Variants in KLF12 observed in about 807,000 individuals in gnomAD.
KLF12 encodes KLF transcription factor 12.
KLF12 carries 9 observed loss-of-function variants against 37.8 expected under a neutral mutation model. The observed-to-expected ratio is 0.24, with a 90% CI of 0.14 to 0.42. The LOEUF (loss-of-function observed/expected upper bound fraction) is 0.42, where lower values mean the gene tolerates loss of function less well. Among genes scored for constraint, KLF12 ranks in the 10% least tolerant of loss-of-function variants. The probability of loss-of-function intolerance (pLI) is 1.00; values close to 1 mark genes in which losing one functional copy is unlikely to be tolerated. For missense variants in KLF12, 411 were observed against 516.0 expected (o/e 0.80, Z 1.97); for synonymous variants, 208 against 202.1 (o/e 1.03, Z -0.25).
chr13:73,885,810 G>C (rs974088544), intron 3 of KLF12, among the ~76,000 whole-genome samples: 1 of 152,200 alleles, frequency 6.6e-6, no homozygotes, highest in Non-Finnish European at 1.5e-5. Flanking sequence ...GCAGAAGTTA[G>C]AGAAACCATT....
chr13:74,294,808 C>T, the KLF12 span, among the ~76,000 whole-genome samples: 2 of 152,150 alleles, frequency 1.3e-5, no homozygotes, highest in Non-Finnish European at 2.9e-5. Context: ...CAGCTGAGGC[C>T]TTCCTCATTT....
chr13:73,945,650 A>AC (rs1405960226), intron 2 of KLF12, among the ~76,000 whole-genome samples: 2 of 151,674 alleles, frequency 1.3e-5, no homozygotes, highest in South Asian at 2.1e-4. Context: ...GGAATCAACA[A>AC]AAAAAAAGCA....
rs561269843 is a variant in KLF12, at chr13:73,752,606, C to T, written c.869+12332G>A. Among the ~76,000 whole-genome samples, 50 of 152,230 alleles carry T rather than the reference C, an allele frequency of 3.3e-4. No homozygotes were observed. The South Asian group carries it at 8.7e-3, about 27-fold the overall frequency. The stretch of plus-strand genomic sequence containing the variant: ...CAACTGCTGTTTACAGTTTTCAGAA[C>T]GCATCCTAGTTGCATCCACTTCTCT... On this transcript the variant is annotated intron_variant, in intron 6 of 7. Transcript: ENST00000377669.
Position 73,700,857 on chromosome 13 carries a change from T to A in KLF12, c.1028-5186A>T, listed in dbSNP as rs568144653. Among the ~76,000 whole-genome samples, 4 of 152,334 alleles carry A rather than the reference T, an allele frequency of 2.6e-5. No individual in the cohort carries two copies. The South Asian group carries it at 8.3e-4, about 32-fold the overall frequency. ...CATTGTGTTTTAACAGGACACTGTA[T>A]CTTATGTTTGTGCTTTGAAGCAATT... is the stretch of plus-strand genomic sequence containing the variant. On this transcript the variant is annotated intron_variant, in intron 7 of 7. Coordinates refer to ENST00000377669, the MANE Select transcript of KLF12 (RefSeq NM_007249.5).
intron 3 of KLF12, among the ~76,000 whole-genome samples, chr13:73,852,867 TTA>T (rs1885404063): frequency 6.6e-6 from 1 of 150,974 alleles, no homozygotes; most frequent in Non-Finnish European, 1.5e-5. Flanking sequence ...GCTTTTACAT[TTA>T]TGTTTTTTTT....
At chr13:73,904,469 C>T (rs9543481) in intron 3 of KLF12, among the ~76,000 whole-genome samples, 23,326 of 91,736 alleles carry the variant, frequency 0.25, 3,191 homozygotes, top group Non-Finnish European at 0.35. Context: ...TCTTTCTTTC[C>T]TTTTTTTTTT....
chr13:73,700,515 G>A (rs1285791119), intron 7 of KLF12, among the ~76,000 whole-genome samples: 1 of 151,676 alleles, frequency 6.6e-6, no homozygotes, highest in Admixed American at 6.6e-5. Context: ...AAAATCCTAT[G>A]CATAATATTC....
chr13:73,727,162 G>A (rs1057450564), intron 6 of KLF12, among the ~76,000 whole-genome samples: 1 of 151,848 alleles, frequency 6.6e-6, no homozygotes, highest in Admixed American at 6.6e-5. Context: ...TATATATTCT[G>A]GATGCAAGTC....
intron 4 of KLF12, among the ~76,000 whole-genome samples, chr13:73,835,118 TCTCGAAGTCTAAAAACAAAGTAGATAA>T (rs1884364211): frequency 1.3e-5 from 2 of 151,330 alleles, no homozygotes; most frequent in Non-Finnish European, 2.9e-5. Flanking sequence ...ATTTTCATAC[TCTCGAAGTCTAAAAACAAAGTAGATAA>T]CTTAGGTCTC....
At chr13:73,926,618 T>TTC (rs895222217) in intron 3 of KLF12, among the ~76,000 whole-genome samples, 1 of 137,212 alleles carries the variant, frequency 7.3e-6, no homozygotes, top group African/African-American at 2.5e-5. Flanking sequence ...AATGCTCCTT[T>TTC]TCTCTCTCTC....
intron 3 of KLF12, among the ~76,000 whole-genome samples, chr13:73,911,837 C>T (rs984632807): frequency 2.6e-5 from 4 of 152,178 alleles, no homozygotes; most frequent in African/African-American, 7.2e-5. Context: ...CGTCTTTATT[C>T]CAAAGCAAAT....
At chr13:74,196,486 T>C in the KLF12 span, among the ~76,000 whole-genome samples, 1 of 152,204 alleles carries the variant, frequency 6.6e-6, no homozygotes, top group African/African-American at 2.4e-5. Flanking sequence ...GAAGATGGAT[T>C]CAACTCTATG....
At chr13:74,136,151 C>G (rs76711663), upstream of KLF12, among the ~76,000 whole-genome samples, 329 of 152,250 alleles carry the variant, frequency 2.2e-3, 2 homozygotes, top group East Asian at 8.9e-3. Flanking sequence ...TGGAGCACTG[C>G]TCGAGTGAAG....
At chr13:74,294,415 C>A in the KLF12 span, among the ~76,000 whole-genome samples, 2 of 152,068 alleles carry the variant, frequency 1.3e-5, no homozygotes, top group Non-Finnish European at 2.9e-5. Context: ...TTAGGCCAGG[C>A]TGGAGTGCGG....
chr13:74,071,974 C>G (rs1343712109), intron 1 of KLF12, among the ~76,000 whole-genome samples: 5 of 151,980 alleles, frequency 3.3e-5, no homozygotes, highest in Non-Finnish European at 5.9e-5. Context: ...CTCCCCAACC[C>G]CCCCACCTGA....
At chr13:73,941,138 A>G (rs1890167428) in intron 3 of KLF12, among the ~76,000 whole-genome samples, 1 of 152,252 alleles carries the variant, frequency 6.6e-6, no homozygotes, top group Admixed American at 6.5e-5. Flanking sequence ...TTTCAGAGTG[A>G]TTATACATTC....
At chr13:74,075,359 C>G (rs115309596) in intron 1 of KLF12, among the ~76,000 whole-genome samples, 3,938 of 152,230 alleles carry the variant, frequency 0.026, 175 homozygotes, top group African/African-American at 0.089. Context: ...GTTTCTGTTA[C>G]TAAAATCTGA....
At chr13:73,927,537 C>T (rs1374333803) in intron 3 of KLF12, among the ~76,000 whole-genome samples, 1 of 152,060 alleles carries the variant, frequency 6.6e-6, no homozygotes, top group Non-Finnish European at 1.5e-5. Flanking sequence ...TAACATTAGG[C>T]CAGAACTTCC....
At chr13:74,068,912 TTAAC>T (rs1477631255) in intron 1 of KLF12, among the ~76,000 whole-genome samples, 12 of 152,306 alleles carry the variant, frequency 7.9e-5, no homozygotes, top group Admixed American at 4.6e-4. Context: ...CCTCTATCTT[TTAAC>T]TAACTTTTTG....
Sources: allele counts gnomAD v4.1 joint callset (sites outside exome capture counted in the v4.1 genomes callset), GRCh38; gene constraint gnomAD v4.1.1; transcripts MANE v1.5; gene names NCBI Gene and HGNC (gene_info 2026-07-23, HGNC 2026-07-21).